OXR1: variants seen among roughly 807,000 people sequenced by gnomAD.
OXR1 encodes oxidation resistance 1.
OXR1 carries 41 observed loss-of-function variants against 104.6 expected under a neutral mutation model. The observed-to-expected ratio is 0.39, with a 90% CI of 0.31 to 0.51. OXR1 has a LOEUF of 0.51. Among genes scored for constraint, OXR1 ranks in the 20% least tolerant of loss-of-function variants. OXR1 has a pLI of 0.77. For synonymous variants in OXR1, 348 were observed against 348.4 expected (o/e 1.00, Z 0.01); for missense variants, 955 against 1,031.9 (o/e 0.93, Z 1.02).
chr8:106,351,293 A>G (rs1353591949), intron 1 of OXR1, among the ~76,000 whole-genome samples: 1 of 152,186 alleles, frequency 6.6e-6, no homozygotes, highest in Non-Finnish European at 1.5e-5. Flanking sequence ...TACAATCTAG[A>G]TGGAAAACAG....
intron 3 of OXR1, among the ~76,000 whole-genome samples, chr8:106,528,404 C>T (rs1409860720): frequency 6.6e-6 from 1 of 152,120 alleles, no homozygotes; most frequent in East Asian, 1.9e-4. Flanking sequence ...GATAGAATAC[C>T]TTCAACATTC....
At chr8:106,375,800 G>A (rs935411673) in intron 2 of OXR1, among the ~76,000 whole-genome samples, 1 of 152,214 alleles carries the variant, frequency 6.6e-6, no homozygotes, top group African/African-American at 2.4e-5. Flanking sequence ...GTTAGAAAAA[G>A]AGGTGACATC....
chr8:106,519,051 C>T lies in OXR1; in HGVS notation c.132C>T (p.Thr44=). ...PQASKPPAPK[T]PIIEEEQNNA... Reference sequence around the variant, plus strand: ...CCAGTAAGCCCCCGGCACCCAAGACCCCCATCATTGAAGAAGAGCAGAACA... The same window carrying T: ...CCAGTAAGCCCCCGGCACCCAAGACTCCCATCATTGAAGAAGAGCAGAACA... The change falls in exon 3 of 17, where the codon ACC becomes ACT. Residue 44 remains threonine (T), a synonymous_variant. Coordinates refer to ENST00000517566, the MANE Select transcript of OXR1 (RefSeq NM_001198533.2). The T allele has an allele frequency of 6.4e-7, 1 of 1,552,008 alleles. No homozygotes were observed. The highest frequency in any genetic ancestry group is 8.7e-7 in the Non-Finnish European group (1 of 1,146,998).
At chr8:106,374,819 G>A (rs1816847067) in intron 2 of OXR1, among the ~76,000 whole-genome samples, 1 of 152,184 alleles carries the variant, frequency 6.6e-6, no homozygotes, top group Admixed American at 6.5e-5. Context: ...GCAGAAGGCT[G>A]AGGTTCTAAG....
chr8:106,465,553 G>C (rs1486234171), intron 2 of OXR1, among the ~76,000 whole-genome samples: 1 of 151,982 alleles, frequency 6.6e-6, no homozygotes, highest in Non-Finnish European at 1.5e-5. Context: ...AAGAGATGCT[G>C]TTGACTTGGG....
chr8:106,396,780 A>G (rs1171857061), intron 2 of OXR1, among the ~76,000 whole-genome samples: 1 of 152,142 alleles, frequency 6.6e-6, no homozygotes, highest in East Asian at 1.9e-4. Flanking sequence ...TTAATGTCTT[A>G]GTTTTGACAA....
At chr8:106,549,234 C>A (rs982515278) in intron 3 of OXR1, among the ~76,000 whole-genome samples, 7 of 145,342 alleles carry the variant, frequency 4.8e-5, no homozygotes, top group Non-Finnish European at 4.5e-5. Context: ...CCATCACAAA[C>A]ATATCAAACA....
intron 1 of OXR1, among the ~76,000 whole-genome samples, chr8:106,341,255 C>T (rs1188453295): frequency 1.3e-5 from 2 of 151,792 alleles, no homozygotes; most frequent in Admixed American, 6.6e-5. Flanking sequence ...GTAAATGCTA[C>T]GTATAAATAT....
intron 2 of OXR1, among the ~76,000 whole-genome samples, chr8:106,444,780 G>T (rs183580200): frequency 1.3e-3 from 193 of 152,048 alleles, no homozygotes; most frequent in Non-Finnish European, 2.0e-3. Context: ...AAACCTGCAC[G>T]TTCTGCACAT....
chr8:106,419,047 C>T (rs956701220), intron 2 of OXR1, among the ~76,000 whole-genome samples: 12 of 152,150 alleles, frequency 7.9e-5, no homozygotes, highest in African/African-American at 2.9e-4. Context: ...AAATATTCCA[C>T]TCCTATGGTT....
chr8:106,288,579 T>C (rs1812601239), intron 1 of OXR1, among the ~76,000 whole-genome samples: 2 of 142,304 alleles, frequency 1.4e-5, no homozygotes, highest in Admixed American at 6.9e-5. Flanking sequence ...GGTGTGTATA[T>C]GTATATACAC....
At chr8:106,678,236 G>A (rs1827797296) in intron 3 of OXR1, among the ~76,000 whole-genome samples, 1 of 151,962 alleles carries the variant, frequency 6.6e-6, no homozygotes. Flanking sequence ...CAGCTGAGAT[G>A]ATTAGGTCAA....
At chr8:106,420,604 A>G (rs1818865854) in intron 2 of OXR1, among the ~76,000 whole-genome samples, 1 of 151,870 alleles carries the variant, frequency 6.6e-6, no homozygotes, top group African/African-American at 2.4e-5. Context: ...TATAATATAT[A>G]ATACCTAAAA....
chr8:106,574,119 A>C (rs901998893), intron 3 of OXR1, among the ~76,000 whole-genome samples: 14 of 152,174 alleles, frequency 9.2e-5, no homozygotes, highest in African/African-American at 3.4e-4. Context: ...ATGGTAACTT[A>C]ATATTCTAAG....
intron 3 of OXR1, among the ~76,000 whole-genome samples, chr8:106,588,279 A>C (rs941391293): frequency 6.6e-6 from 1 of 151,498 alleles, no homozygotes; most frequent in Non-Finnish European, 1.5e-5. Flanking sequence ...TTTTTTTTAA[A>C]TAGAAGAAGA....
intron 2 of OXR1, among the ~76,000 whole-genome samples, chr8:106,478,539 CTA>C (rs1446953913): frequency 6.6e-6 from 1 of 151,572 alleles, no homozygotes; most frequent in Non-Finnish European, 1.5e-5. Context: ...AAGAGAGTAA[CTA>C]TATAAAAAAG....
intron 3 of OXR1, among the ~76,000 whole-genome samples, chr8:106,638,860 C>T (rs1362560969): frequency 6.7e-6 from 1 of 149,850 alleles, no homozygotes. Context: ...TGCCACTGCA[C>T]TCCAACCTGG....
At chr8:106,281,691 A>G (rs955955442) in intron 1 of OXR1, among the ~76,000 whole-genome samples, 5 of 150,540 alleles carry the variant, frequency 3.3e-5, no homozygotes, top group African/African-American at 1.2e-4. Flanking sequence ...TCCCAGCTAC[A>G]TGGGAGGCTG....
intron 2 of OXR1, among the ~76,000 whole-genome samples, chr8:106,362,280 G>A (rs1019836628): frequency 3.3e-5 from 5 of 152,074 alleles, no homozygotes; most frequent in African/African-American, 7.2e-5. Flanking sequence ...CCATATCCAC[G>A]TGTTGATTTT....
Sources: allele counts gnomAD v4.1 joint callset (sites outside exome capture counted in the v4.1 genomes callset), GRCh38; gene constraint gnomAD v4.1.1; transcripts MANE v1.5; gene names NCBI Gene and HGNC (gene_info 2026-07-23, HGNC 2026-07-21).